GULP1: variants seen among roughly 807,000 people sequenced by gnomAD.
GULP1 encodes PTB domain-containing engulfment adapter protein 1.
In GULP1, 19 loss-of-function variants were observed where a neutral mutation model predicts 40.9. The observed-to-expected ratio is 0.46, with a 90% confidence interval of 0.32 to 0.68. GULP1 has a LOEUF of 0.68. Ranked by LOEUF, GULP1 falls within the 30% of genes least tolerant of loss-of-function variation. The pLI is 0.03. For missense variants in GULP1, 312 were observed against 362.2 expected, an observed-to-expected ratio of 0.86 and a Z score of 1.12; for synonymous variants, 119 against 117.6, an observed-to-expected ratio of 1.01 and a Z score of -0.08.
chr2:188,570,137 T>C lies in GULP1; in HGVS notation c.609+17T>C, dbSNP rs1161137490. The C allele has an allele frequency of 2.0e-6, 2 of 1,021,798 alleles. No homozygotes were observed. Among genetic ancestry groups the C allele is most frequent in the Non-Finnish European group, 3.0e-6 (2 of 669,012 alleles). The allele number at this position is 1,021,798 out of a possible 1,614,324, so 63.3% of individuals were successfully genotyped here. A position where few individuals can be genotyped will look rare whatever the true frequency, so the allele number is the denominator to read the frequency against. ...GCACCTCCAGTGAGTATATTGAATA[T>C]CCTTAGAAACAAGATTTTATGGTGA... On this transcript the variant is annotated intron_variant, in intron 9 of 11. Transcript: ENST00000409830.
At chr2:188,375,968 C>T (rs777178907) in intron 1 of GULP1, among the ~76,000 whole-genome samples, 7 of 151,972 alleles carry the variant, frequency 4.6e-5, no homozygotes, top group Admixed American at 6.6e-5. Context: ...CATGCGGAAC[C>T]CGTATATATG....
chr2:188,341,947 C>A (rs1190547760), intron 1 of GULP1, among the ~76,000 whole-genome samples: 2 of 152,120 alleles, frequency 1.3e-5, no homozygotes, highest in Non-Finnish European at 2.9e-5. Context: ...TCAGTCTAGG[C>A]ACTTAACTTT....
At chr2:188,438,458 A>G (rs1349363081) in intron 2 of GULP1, among the ~76,000 whole-genome samples, 5 of 150,716 alleles carry the variant, frequency 3.3e-5, no homozygotes, top group Non-Finnish European at 7.4e-5. Context: ...CAAATTATTA[A>G]TAGTTATATA....
At chr2:188,341,852 A>T (rs1423226791) in intron 1 of GULP1, among the ~76,000 whole-genome samples, 2 of 152,206 alleles carry the variant, frequency 1.3e-5, no homozygotes, top group Non-Finnish European at 2.9e-5. Flanking sequence ...TAAAAAAGTG[A>T]TAGAACTAAG....
At chr2:188,445,025 T>A (rs1234514033) in intron 2 of GULP1, among the ~76,000 whole-genome samples, 4 of 152,184 alleles carry the variant, frequency 2.6e-5, no homozygotes, top group African/African-American at 9.7e-5. Flanking sequence ...AAATTTATAA[T>A]AAAATGTAAC....
intron 4 of GULP1, among the ~76,000 whole-genome samples, chr2:188,492,106 G>A (rs967570445): frequency 6.6e-6 from 1 of 152,022 alleles, no homozygotes; most frequent in African/African-American, 2.4e-5. Flanking sequence ...TGATCGCAAA[G>A]CAGTACAAAG....
At chr2:188,368,939 G>GTGTATATATA (rs1272494109) in intron 1 of GULP1, among the ~76,000 whole-genome samples, 86 of 86,044 alleles carry the variant, frequency 1.0e-3, no homozygotes, top group African/African-American at 3.3e-3. Context: ...ATATATGTGT[G>GTGTATATATA]TATATATATA....
chr2:188,403,204 A>C (rs532686571), intron 2 of GULP1, among the ~76,000 whole-genome samples: 1 of 152,198 alleles, frequency 6.6e-6, no homozygotes, highest in East Asian at 1.9e-4. Context: ...TATTTCATTC[A>C]TTTCAGATTC....
intron 2 of GULP1, among the ~76,000 whole-genome samples, chr2:188,465,852 G>A (rs1385551140): frequency 6.6e-6 from 1 of 152,008 alleles, no homozygotes; most frequent in Non-Finnish European, 1.5e-5. Flanking sequence ...TGGCGGAGGG[G>A]TGGGGTCTGA....
chr2:188,415,995 AGTTT>A (rs1335757007), intron 2 of GULP1, among the ~76,000 whole-genome samples: 1 of 152,162 alleles, frequency 6.6e-6, no homozygotes, highest in Non-Finnish European at 1.5e-5. Flanking sequence ...AATTCATAAA[AGTTT>A]GTTTGTTTTA....
rs762673696 is a variant in GULP1, at chr2:188,569,226, G to C, written c.400-13G>C. 2.3e-6 allele frequency: 3 copies of C among 1,330,064 alleles called. No homozygotes were observed. The South Asian group carries it at 3.6e-5, about 16-fold the overall frequency. The allele number at this position is 1,330,064 out of a possible 1,614,324, so 82.4% of individuals were successfully genotyped here. On this transcript the variant is annotated splice_polypyrimidine_tract_variant and intron_variant, in intron 7 of 11. Coordinates refer to ENST00000409830, the MANE Select transcript of GULP1 (RefSeq NM_016315.4). The stretch of plus-strand genomic sequence containing the variant: ...ATTATTAAAATGCAAATCTTTGTTT[G>C]ATTTTTACACAGGCTGAAGAGATCA...
chr2:188,308,378 T>C (rs1207211763), intron 1 of GULP1, among the ~76,000 whole-genome samples: 2 of 152,176 alleles, frequency 1.3e-5, no homozygotes, highest in African/African-American at 2.4e-5. Flanking sequence ...AGAAAATAAT[T>C]TTCCTCAGTA....
intron 1 of GULP1, among the ~76,000 whole-genome samples, chr2:188,320,606 A>C (rs987992127): frequency 1.3e-5 from 2 of 152,178 alleles, no homozygotes; most frequent in Non-Finnish European, 2.9e-5. Flanking sequence ...ACATATAAAC[A>C]TATTTTCTGA....
chr2:188,307,152 T>C (rs1402925110), intron 1 of GULP1, among the ~76,000 whole-genome samples: 1 of 152,180 alleles, frequency 6.6e-6, no homozygotes, highest in African/African-American at 2.4e-5. Flanking sequence ...GAAACTATGA[T>C]TCTTGGATTT....
chr2:188,308,109 G>T (rs73034491), intron 1 of GULP1, among the ~76,000 whole-genome samples: 5,598 of 31,460 alleles, frequency 0.18, 213 homozygotes, highest in East Asian at 0.53. Flanking sequence ...GAATCTTTTA[G>T]GTCATTTTTT....
In GULP1 at chr2:188,303,638, A is replaced by T. The variant is rs551394806; in HGVS notation, c.-172+11472A>T. Among the ~76,000 whole-genome samples, 19 of 152,308 alleles carry T rather than the reference A, an allele frequency of 1.2e-4. No homozygotes were observed. In the East Asian group the frequency reaches 3.7e-3, roughly 29 times the overall value. On this transcript the variant is annotated intron_variant, in intron 1 of 11. Transcript: ENST00000409830. Reference sequence around the variant, plus strand: ...ATCAGTATGGGTGTTAAAAGCATGGAGATTGGGTTGGAGGGAAACATAGCC... The same window carrying T: ...ATCAGTATGGGTGTTAAAAGCATGGTGATTGGGTTGGAGGGAAACATAGCC...
At chr2:188,347,454 G>A (rs1010026502) in intron 1 of GULP1, among the ~76,000 whole-genome samples, 6 of 151,946 alleles carry the variant, frequency 3.9e-5, no homozygotes, top group African/African-American at 1.5e-4. Context: ...TAAACTGTCA[G>A]AAACAATGCA....
In GULP1 at chr2:188,530,168, T is replaced by G. The variant is rs1405736730; in HGVS notation, c.261+973T>G. Reference sequence around the variant, plus strand: ...TATTTACATACTAGTTAGGTTGCAGTTTGTTGTATAGGAACTCAAAATACA... The same window carrying G: ...TATTTACATACTAGTTAGGTTGCAGGTTGTTGTATAGGAACTCAAAATACA... On this transcript the variant is annotated intron_variant, in intron 6 of 11. Coordinates refer to ENST00000409830, the MANE Select transcript of GULP1 (RefSeq NM_016315.4). Among the ~76,000 whole-genome samples the G allele has an allele frequency of 2.0e-5, 3 of 152,142 alleles. No individual in the cohort carries two copies. In the East Asian group the frequency reaches 5.8e-4, roughly 29 times the overall value.
At chr2:188,515,709 AC>A (rs2153220353) in intron 4 of GULP1, among the ~76,000 whole-genome samples, 1 of 101,080 alleles carries the variant, frequency 9.9e-6, no homozygotes, top group South Asian at 2.3e-4. Context: ...ACACACAGAC[AC>A]ACACACACAC....
Sources: gnomAD v4.1 joint callset for allele counts (sites outside exome capture counted in the v4.1 genomes callset) on GRCh38, gnomAD v4.1.1 for gene constraint, MANE v1.5 for transcripts, NCBI Gene and HGNC (gene_info 2026-07-23, HGNC 2026-07-21) for gene names.